The following SEC16A variants were observed in gnomAD, a reference collection of about 807,000 sequenced individuals.
The protein encoded by SEC16A is SEC16 homolog A, endoplasmic reticulum export factor, also known as protein transport protein Sec16A.
In SEC16A, 110 loss-of-function variants were observed where a neutral mutation model predicts 221.9. The observed-to-expected ratio is 0.50, with a 90% CI of 0.42 to 0.58. SEC16A has a LOEUF of 0.58. SEC16A is among the 20% of genes least tolerant of loss of function. SEC16A has a pLI of 0.00. For synonymous variants in SEC16A, 1,393 were observed against 1,257.7 expected (o/e 1.11, Z -2.28); for missense variants, 3,165 against 3,097.8 (o/e 1.02, Z -0.52).
chr9:136,464,849 G>T (rs947981370), intron 8 of SEC16A, among the ~76,000 whole-genome samples: 1 of 152,142 alleles, frequency 6.6e-6, no homozygotes, highest in Non-Finnish European at 1.5e-5. Flanking sequence ...GCCACGGTGC[G>T]TAATCCTCCC....
At chr9:136,464,946 C>A (rs73566968) in intron 8 of SEC16A, among the ~76,000 whole-genome samples, 1 of 152,052 alleles carries the variant, frequency 6.6e-6, no homozygotes, top group African/African-American at 2.4e-5. Context: ...AAAAGGACAG[C>A]AAAACACCTC....
At chr9:136,444,145 C>T (rs1836609754) in intron 30 of SEC16A, 2 of 385,592 alleles carry the variant, frequency 5.2e-6, no homozygotes, top group Non-Finnish European at 9.5e-6. Context: ...TGGGAAGGTG[C>T]ACACAGCACT....
At chr9:136,456,205 G>T (rs781514767) in intron 18 of SEC16A, 39 bp from the exon 19 acceptor site, 2 of 1,487,944 alleles carry the variant, frequency 1.3e-6, no homozygotes, top group Non-Finnish European at 1.9e-6. Flanking sequence ...TGTCACCACC[G>T]GGTGATGGCA....
intron 28 of SEC16A, 68 bp from the exon 29 acceptor site, chr9:136,445,787 A>T: frequency 5.2e-6 from 7 of 1,350,166 alleles, no homozygotes; most frequent in Non-Finnish European, 7.2e-6. Context: ...ACCAGGCCAA[A>T]AAATATGAAA....
Position 136,456,676 on chromosome 9 carries a change from G to A in SEC16A, c.5551-510C>T, listed in dbSNP as rs556411822. Among the ~76,000 whole-genome samples the A allele has an allele frequency of 8.5e-5, 13 of 152,276 alleles. No individual in the cohort carries two copies. The South Asian group carries it at 1.7e-3, about 19-fold the overall frequency. On this transcript the variant is annotated intron_variant, in intron 18 of 31. Transcript: ENST00000684901. ...CAGTTTTTGGGTATCCCATGAGCAC[G>A]TTCTCACAAATGGAACTACTGACAA...
Position 136,474,331 on chromosome 9 carries a change from G to A in SEC16A, c.3285C>T (p.Asn1095=), listed in dbSNP as rs780625887. Residue 1095 remains asparagine (N), a synonymous_variant, in exon 3 of 32, where the codon AAC becomes AAT. Transcript: ENST00000684901. Reference sequence around the variant, plus strand: ...CCAGACTTGCTGGTGACTGTGCTGAGTTCTGGGCCTGTCCCTGTGCGGGCA... The same window carrying A: ...CCAGACTTGCTGGTGACTGTGCTGAATTCTGGGCCTGTCCCTGTGCGGGCA... ...ESLPAQGQAQ[N]SAQSPASLVL... is the part of the protein sequence containing the mutation. 2.5e-6 allele frequency: 4 copies of A among 1,612,186 alleles called. No homozygotes were observed. The highest frequency in any genetic ancestry group is 3.4e-6 in the Non-Finnish European group (4 of 1,179,538).
chr9:136,447,855 C>T lies in SEC16A; in HGVS notation c.6445G>A (p.Glu2149Lys), dbSNP rs1837228692. Residue 2149 changes from glutamate to lysine, a missense_variant and splice_region_variant, in exon 25 of 32, where the codon GAG (glutamate) becomes AAG (lysine). Around this residue, in one of 3 missense-constraint regions of SEC16A, gnomAD observed 1,088 missense variants for 1,089.6 expected, o/e 1.00. Transcript: ENST00000684901. This position sits in a 1 kb window ranked among gnomAD's most constrained non-coding sequence, Gnocchi z 5.5. ...QWVNLNEPEE[E>K]KKAPPPPPTS... ...CAGGAACTAGAATGACAATTTACCT[C>T]CTCTTCTGGCTCATTTAAATTCACC... is the stretch of plus-strand genomic sequence containing the variant. 4 of 1,609,184 alleles carry T rather than the reference C, an allele frequency of 2.5e-6. No homozygotes were observed. The highest frequency in any genetic ancestry group is 2.2e-5 in the South Asian group (2 of 90,244).
At position 136,474,725 on chromosome 9, in the gene SEC16A, A is replaced by T; in HGVS notation, c.2891T>A (p.Val964Glu). The change falls in exon 3 of 32, where the codon GTG (valine) becomes GAG (glutamate). Residue 964 changes from valine to glutamate, a missense_variant. This residue lies in a region of SEC16A where 2,030 missense variants were observed against 1,923.1 expected (regional missense o/e 1.06). Coordinates refer to ENST00000684901, the MANE Select transcript of SEC16A (RefSeq NM_014866.2). ...FANSPAGSTS[V>E]VLVPPAHGTL... Reference sequence around the variant, plus strand: ...GCCGTGTGCAGGTGGAACTAACACCACACTTGTGCTTCCAGCAGGGCTATT... The same window carrying T: ...GCCGTGTGCAGGTGGAACTAACACCTCACTTGTGCTTCCAGCAGGGCTATT... The T allele has an allele frequency of 6.2e-7, 1 of 1,613,872 alleles. No individual in the cohort carries two copies. Among genetic ancestry groups the T allele is most frequent in the South Asian group, 1.1e-5 (1 of 91,088 alleles).
At chr9:136,478,952 C>T (rs911342254) in intron 1 of SEC16A, among the ~76,000 whole-genome samples, 122 bp from the exon 2 acceptor site, 5 of 152,164 alleles carry the variant, frequency 3.3e-5, no homozygotes, top group Admixed American at 2.0e-4. Flanking sequence ...CGTTTTTGTA[C>T]TGTGACTGGC....
chr9:136,483,059 C>T, upstream of SEC16A: 1 of 978,666 alleles, frequency 1.0e-6, no homozygotes, highest in Non-Finnish European at 1.2e-6. Flanking sequence ...TCTCCGCGGC[C>T]GCCGCGCCGC....
At chr9:136,451,156 A>G in intron 23 of SEC16A, 100 bp downstream of exon 23, 3 of 1,231,884 alleles carry the variant, frequency 2.4e-6, no homozygotes, top group Non-Finnish European at 3.4e-6. Context: ...TCAGGAGGCT[A>G]TTTGCATGTG....
Position 136,463,101 on chromosome 9 carries a change from AG to A in SEC16A, c.4678del (p.Leu1560CysfsTer20). The A allele has an allele frequency of 6.2e-7, 1 of 1,611,716 alleles. No individual in the cohort carries two copies. The highest frequency in any genetic ancestry group is 8.5e-7 in the Non-Finnish European group (1 of 1,179,898). On this transcript the variant is annotated frameshift_variant, in exon 12 of 32. Coordinates refer to ENST00000684901, the MANE Select transcript of SEC16A (RefSeq NM_014866.2). LOFTEE classifies it high-confidence loss of function. ...TVVGTDIAEL[L>X]LRDHRTVWLP... is the part of the protein sequence containing the mutation. The stretch of plus-strand genomic sequence containing the variant: ...CCACACTGTTCTGTGGTCTCGTAAC[AG>A]AAGCTCCGCAATGTCGGTCCCTACC...
In SEC16A at chr9:136,474,988, A is replaced by C; in HGVS notation, c.2628T>G (p.Gly876=). 6.2e-7 allele frequency: 1 copy of C among 1,613,816 alleles called. No individual in the cohort carries two copies. The highest frequency in any genetic ancestry group is 8.5e-7 in the Non-Finnish European group (1 of 1,179,872). ...DRPAVSSWAL[G]GDSGENTSLS... Reference sequence around the variant, plus strand: ...AAGAAGTGTTCTCCCCAGAATCACCACCGAGAGCCCAACTGCTGACTGCAG... The same window carrying C: ...AAGAAGTGTTCTCCCCAGAATCACCCCCGAGAGCCCAACTGCTGACTGCAG... The change falls in exon 3 of 32, where the codon GGT becomes GGG. Residue 876 remains glycine (G), a synonymous_variant. Transcript: ENST00000684901.
intron 4 of SEC16A, 85 bp downstream of exon 4, chr9:136,471,890 G>C: frequency 1.3e-6 from 2 of 1,485,394 alleles, no homozygotes; most frequent in Non-Finnish European, 9.2e-7. Flanking sequence ...AGAACTTTTT[G>C]AGTCACTAAG....
chr9:136,455,606 G>T lies in SEC16A; in HGVS notation c.5852C>A (p.Pro1951His), dbSNP rs1168180491. ...EHSSPSVRLL[P>H]SAPQTLPDGP... ...AGCCGCGCACCTGGGCTCACCTGAG[G>T]GCAGCAGCCGCACGCTCGGGCTCGA... Residue 1951 changes from proline (P) to histidine (H), a missense_variant, in exon 20 of 32, where the codon CCC (proline) becomes CAC (histidine). Pro to His is a moderately conservative substitution (Grantham distance 77). This residue lies in a region of SEC16A where 1,088 missense variants were observed against 1,089.6 expected (regional missense o/e 1.00). Coordinates refer to ENST00000684901, the MANE Select transcript of SEC16A (RefSeq NM_014866.2). 6.4e-7 allele frequency: 1 copy of T among 1,562,328 alleles called. No individual in the cohort carries two copies. The highest frequency in any genetic ancestry group is 1.4e-5 in the African/African-American group (1 of 73,826).
chr9:136,477,363 C>T lies in SEC16A; in HGVS notation c.253G>A (p.Gly85Arg), dbSNP rs768384261. 6.2e-7 allele frequency: 1 copy of T among 1,614,002 alleles called. No homozygotes were observed. The highest frequency in any genetic ancestry group is 8.5e-7 in the Non-Finnish European group (1 of 1,179,884). ...AGCAAACCGGGGTGCTGAGAAAACCCTGCGGGGGCTGGGCCTTGCAAGACA... is the reference window on the plus strand; with the variant it reads ...AGCAAACCGGGGTGCTGAGAAAACCTTGCGGGGGCTGGGCCTTGCAAGACA... ...PPVLQGPAPA[G>R]FSQHPGLLVP... Residue 85 changes from glycine to arginine, a missense_variant, in exon 3 of 32, where the codon GGG (glycine) becomes AGG (arginine). Gly to Arg is a moderately radical substitution (Grantham distance 125). This residue lies in a region of SEC16A where 2,030 missense variants were observed against 1,923.1 expected (regional missense o/e 1.06). Transcript: ENST00000684901.
chr9:136,446,716 C>T (rs1348618704), intron 28 of SEC16A, 139 bp downstream of exon 28: 3 of 817,578 alleles, frequency 3.7e-6, no homozygotes, highest in Non-Finnish European at 5.5e-6. Context: ...CTCTACCATA[C>T]ATAAGTGTGA....
At chr9:136,452,909 A>G (rs1262200485) in intron 22 of SEC16A, among the ~76,000 whole-genome samples, 2 of 151,404 alleles carry the variant, frequency 1.3e-5, no homozygotes, top group East Asian at 1.9e-4. Flanking sequence ...CATCTCTACT[A>G]AAAATACAAA....
chr9:136,464,907 A>C (rs1461925416), intron 8 of SEC16A, among the ~76,000 whole-genome samples: 1 of 152,168 alleles, frequency 6.6e-6, no homozygotes, highest in Non-Finnish European at 1.5e-5. Flanking sequence ...AATCAAATTC[A>C]GACTGCGATG....
Sources: allele counts gnomAD v4.1 joint callset (sites outside exome capture counted in the v4.1 genomes callset), GRCh38; gene constraint gnomAD v4.1.1; regional missense constraint gnomAD v4.1.1; non-coding constraint Gnocchi (gnomAD v3.1); transcripts MANE v1.5; gene names NCBI Gene and HGNC (gene_info 2026-07-23, HGNC 2026-07-21).